The following MIB1 variants were observed in gnomAD, a reference collection of about 807,000 sequenced individuals.
The protein encoded by MIB1 is E3 ubiquitin-protein ligase MIB1.
A neutral mutation model predicts 124.5 loss-of-function variants in MIB1; 278 were observed. The ratio of observed to expected loss-of-function variants is 2.23; its 90% CI spans 2.02 to 2.47. The LOEUF (loss-of-function observed/expected upper bound fraction) is 2.47, where lower values mean the gene tolerates loss of function less well. Among genes scored for constraint, MIB1 ranks in the 30% most tolerant of loss-of-function variants. The pLI, the probability that MIB1 is intolerant of heterozygous loss-of-function variation, is 0.00. For missense variants in MIB1, 957 were observed against 1,254.4 expected (o/e 0.76, Z 3.58); for synonymous variants, 446 against 429.4 (o/e 1.04, Z -0.48).
chr18:21,808,153 T>G (rs924786791), intron 10 of MIB1, among the ~76,000 whole-genome samples: 1 of 152,206 alleles, frequency 6.6e-6, no homozygotes, highest in Non-Finnish European at 1.5e-5. Flanking sequence ...TCTGATTTTA[T>G]TAAAAGCTTT....
chr18:21,779,423 G>T, intron 5 of MIB1, 58 bp from the exon 6 acceptor site: 1 of 1,328,800 alleles, frequency 7.5e-7, no homozygotes, highest in South Asian at 1.2e-5. Context: ...AGATAATGCA[G>T]CTGCCTGTTG....
intron 4 of MIB1, among the ~76,000 whole-genome samples, chr18:21,776,867 C>T (rs945179778): frequency 6.6e-6 from 1 of 151,850 alleles, no homozygotes; most frequent in South Asian, 2.1e-4. Flanking sequence ...TTCCCAGCTA[C>T]TGGGGAGGCA....
chr18:21,847,096 AC>A lies in MIB1; in HGVS notation c.2365del (p.Leu789TrpfsTer20). On this transcript the variant is annotated frameshift_variant, in exon 16 of 21. Transcript: ENST00000261537. LOFTEE classifies it high-confidence loss of function. ...GTCCTGATCCGAATCTCTGCAAAGC[AC>A]TGGCAAAGTGTCATAAGGAAAAAGT... ...LCPDPNLCKA[L>X]AKCHKEKVSG... 1 of 1,614,138 alleles carries A rather than the reference AC, an allele frequency of 6.2e-7. No homozygotes were observed. Among genetic ancestry groups the A allele is most frequent in the Non-Finnish European group, 8.5e-7 (1 of 1,179,984 alleles).
chr18:21,847,581 C>T (rs2042146152), intron 16 of MIB1, among the ~76,000 whole-genome samples: 1 of 152,186 alleles, frequency 6.6e-6, no homozygotes, highest in Admixed American at 6.5e-5. Context: ...CCTCTTGCTT[C>T]ATCCTCAGTA....
intron 1 of MIB1, among the ~76,000 whole-genome samples, chr18:21,733,947 C>T (rs1222916669): frequency 6.6e-6 from 1 of 151,996 alleles, no homozygotes; most frequent in Non-Finnish European, 1.5e-5. Context: ...TCAGATGGGC[C>T]CATCTCATCC....
At chr18:21,738,091 A>G (rs1387487227), upstream of MIB1, among the ~76,000 whole-genome samples, 2 of 152,208 alleles carry the variant, frequency 1.3e-5, no homozygotes, top group African/African-American at 4.8e-5. Context: ...TCAGCACCAC[A>G]TCGCACTTAT....
At chr18:21,785,397 A>C (rs1244848154) in intron 6 of MIB1, among the ~76,000 whole-genome samples, 1 of 152,210 alleles carries the variant, frequency 6.6e-6, no homozygotes, top group Non-Finnish European at 1.5e-5. Context: ...AAAAACCCAC[A>C]GGCCCAGTAG....
chr18:21,803,938 T>A lies in MIB1; in HGVS notation c.1403T>A (p.Met468Lys), dbSNP rs1568208838. Residue 468 changes from methionine (M) to lysine (K), a missense_variant, in exon 10 of 21, where the codon ATG becomes AAG. By Grantham distance (95) the Met-to-Lys change is moderately conservative. Coordinates refer to ENST00000261537, the MANE Select transcript of MIB1 (RefSeq NM_020774.4). ...VNGQCAGHTA[M>K]QAASQNGHVD... is the part of the protein sequence containing the mutation. ...GGGCAATGTGCTGGCCACACAGCTA[T>A]GCAAGCTGCTAGTCAGAATGGACAT... 1.2e-6 allele frequency: 2 copies of A among 1,613,674 alleles called. No individual in the cohort carries two copies. Among genetic ancestry groups the A allele is most frequent in the Non-Finnish European group, 8.5e-7 (1 of 1,179,802 alleles).
intron 15 of MIB1, among the ~76,000 whole-genome samples, chr18:21,846,507 G>C (rs538820701): frequency 4.6e-5 from 7 of 152,254 alleles, no homozygotes; most frequent in Non-Finnish European, 8.8e-5. Context: ...CTAGTCATTG[G>C]TTCTTTTCTC....
intron 17 of MIB1, 70 bp downstream of exon 17, chr18:21,849,458 T>G (rs2042163827): frequency 1.1e-6 from 1 of 905,832 alleles, no homozygotes; most frequent in Non-Finnish European, 1.6e-6. Context: ...TAAATAAGAT[T>G]TAATGACATC....
rs1394574605 is a variant in MIB1, at chr18:21,869,038, G to C, written c.*4372G>C. On this transcript the variant is annotated 3_prime_UTR_variant, in exon 21 of 21. Transcript: ENST00000261537. ...GCATTTATTCTTATTTGTGAGTAAAGAGGAAATGGGAACCTGAGGTTAAAA... is the reference window on the plus strand; with the variant it reads ...GCATTTATTCTTATTTGTGAGTAAACAGGAAATGGGAACCTGAGGTTAAAA... 4 of 152,416 alleles carry C rather than the reference G, an allele frequency of 2.6e-5. No individual in the cohort carries two copies. The highest frequency in any genetic ancestry group is 1.3e-4 in the Admixed American group (2 of 15,250). 9.4% of individuals were successfully genotyped at this position (152,416 alleles called of 1,614,324 possible).
intron 1 of MIB1, among the ~76,000 whole-genome samples, chr18:21,756,102 C>A (rs2041028519): frequency 6.6e-6 from 1 of 152,064 alleles, no homozygotes; most frequent in South Asian, 2.1e-4. Context: ...AGCTTAGGAG[C>A]CAGGAAATCA....
rs1568232423 is a variant in MIB1 at position 21,864,953 on chromosome 18, A to T, written c.*287A>T. The T allele has an allele frequency of 8.8e-6, 2 of 227,450 alleles. No homozygotes were observed. Among genetic ancestry groups the T allele is most frequent in the East Asian group, 1.8e-4 (2 of 10,946 alleles). The allele number at this position is 227,450 out of a possible 1,614,324, so 14.1% of individuals were successfully genotyped here. On this transcript the variant is annotated 3_prime_UTR_variant, in exon 21 of 21. Transcript: ENST00000261537. ...TCCTTTAAGGATATCCTTTTTTAAAAAATTGCATTTTTCTCTTATAATTTG... is the reference window on the plus strand; with the variant it reads ...TCCTTTAAGGATATCCTTTTTTAAATAATTGCATTTTTCTCTTATAATTTG...
chr18:21,835,838 CAA>C lies in MIB1; in HGVS notation c.1830-2525_1830-2524del, dbSNP rs1555695326. Among the ~76,000 whole-genome samples the C allele has an allele frequency of 7.1e-4, 95 of 133,244 alleles. No homozygotes were observed. The East Asian group carries it at 0.014, about 20-fold the overall frequency. 87.4% of individuals were successfully genotyped at this position (133,244 alleles called of 152,430 possible). On this transcript the variant is annotated intron_variant, in intron 12 of 20. Coordinates refer to ENST00000261537, the MANE Select transcript of MIB1 (RefSeq NM_020774.4). ...ACACACACACACACACACACACACA[CAA>C]ACACACACGAGGAGTATTGGGAAAG... is the stretch of plus-strand genomic sequence containing the variant.
rs146433856 is a variant in MIB1 at position 21,779,462 on chromosome 18, A to G, written c.704-19A>G. ...TGAGGTTTTTTTCTCCCTTTATTCA[A>G]TTGCCTCTGAAATTACAGGTGAGCA... On this transcript the variant is annotated intron_variant, in intron 5 of 20. Transcript: ENST00000261537. 2.5e-5 allele frequency: 40 copies of G among 1,608,940 alleles called. No homozygotes were observed. Among genetic ancestry groups the G allele is most frequent in the East Asian group, 1.6e-4 (7 of 44,846 alleles).
chr18:21,735,169 A>G (rs1356185697), intron 1 of MIB1, among the ~76,000 whole-genome samples: 1 of 152,168 alleles, frequency 6.6e-6, no homozygotes, highest in Non-Finnish European at 1.5e-5. Context: ...TGATTTCTGC[A>G]TTTCCAACTG....
At chr18:21,821,881 G>T (rs368651010) in intron 12 of MIB1, among the ~76,000 whole-genome samples, 16 of 152,172 alleles carry the variant, frequency 1.1e-4, no homozygotes, top group African/African-American at 3.9e-4. Context: ...GATTACAGGC[G>T]TGAGCCACCG....
intron 1 of MIB1, among the ~76,000 whole-genome samples, chr18:21,742,298 C>T (rs1343340432): frequency 1.4e-5 from 2 of 146,670 alleles, no homozygotes; most frequent in Non-Finnish European, 3.0e-5. Context: ...TTTTTTTAAC[C>T]TCCTGTGACA....
chr18:21,831,718 C>T (rs1377579153), intron 12 of MIB1, among the ~76,000 whole-genome samples: 1 of 151,952 alleles, frequency 6.6e-6, no homozygotes, highest in Non-Finnish European at 1.5e-5. Context: ...CTTACATTTC[C>T]CAGATTTTCA....
Sources: gnomAD v4.1 joint callset for allele counts (sites outside exome capture counted in the v4.1 genomes callset) on GRCh38, gnomAD v4.1.1 for gene constraint, MANE v1.5 for transcripts, NCBI Gene and HGNC (gene_info 2026-07-23, HGNC 2026-07-21) for gene names.